The following ASCC1 variants were observed in gnomAD, a reference collection of about 807,000 sequenced individuals.
ASCC1 encodes the protein ASC-1 complex subunit P50.
Under a neutral mutation model 46.6 loss-of-function variants are expected in ASCC1, and 35 were observed. The observed-to-expected ratio is 0.75, with a 90% confidence interval of 0.57 to 0.99. The LOEUF is 0.99. ASCC1 is among the 50% of genes least tolerant of loss of function. The pLI, the probability that ASCC1 is intolerant of heterozygous loss-of-function variation, is 0.00. For missense variants in ASCC1, 376 were observed against 428.7 expected (o/e 0.88, Z 1.09); for synonymous variants, 143 against 146.6 (o/e 0.98, Z 0.18).
At chr10:72,104,991 T>G (rs140751614) in intron 9 of ASCC1, among the ~76,000 whole-genome samples, 6 of 152,200 alleles carry the variant, frequency 3.9e-5, no homozygotes, top group Middle Eastern at 3.4e-3. Flanking sequence ...GGGGTAAGAT[T>G]ACTTGCCCAT....
intron 9 of ASCC1, among the ~76,000 whole-genome samples, chr10:72,115,672 A>T (rs182981127): frequency 6.6e-6 from 1 of 152,328 alleles, no homozygotes; most frequent in East Asian, 1.9e-4. Flanking sequence ...CAAGGCACTG[A>T]ACAAACAGGG....
intron 6 of ASCC1, among the ~76,000 whole-genome samples, chr10:72,159,810 A>G (rs1849408697): frequency 6.6e-6 from 1 of 152,190 alleles, no homozygotes; most frequent in Admixed American, 6.5e-5. Flanking sequence ...AAACCCTATC[A>G]GCTTATGATC....
intron 6 of ASCC1, among the ~76,000 whole-genome samples, chr10:72,158,459 T>G (rs1057471684): frequency 6.6e-6 from 1 of 152,148 alleles, no homozygotes; most frequent in African/African-American, 2.4e-5. Flanking sequence ...GTGTCCTACA[T>G]CTCACAAAGG....
intron 5 of ASCC1, among the ~76,000 whole-genome samples, chr10:72,179,762 T>C (rs985389206): frequency 9.9e-5 from 15 of 152,092 alleles, no homozygotes; most frequent in Non-Finnish European, 1.6e-4. Context: ...TCAATACATA[T>C]TTGCTATTTT....
chr10:72,160,819 C>G (rs1044424116), intron 6 of ASCC1, among the ~76,000 whole-genome samples: 1 of 149,354 alleles, frequency 6.7e-6, no homozygotes, highest in Non-Finnish European at 1.5e-5. Context: ...CTTGGTTGCT[C>G]ACGCCTGTAA....
chr10:72,163,672 T>G (rs1263700667), intron 5 of ASCC1, among the ~76,000 whole-genome samples: 2 of 151,400 alleles, frequency 1.3e-5, no homozygotes, highest in African/African-American at 4.9e-5. Flanking sequence ...GAGGAAAAGG[T>G]TGCAGTGAGC....
At chr10:72,153,550 C>A (rs1230569452) in intron 6 of ASCC1, among the ~76,000 whole-genome samples, 1 of 151,714 alleles carries the variant, frequency 6.6e-6, no homozygotes, top group African/African-American at 2.4e-5. Flanking sequence ...CTCAGCCTAC[C>A]GAGTAGCTGG....
At chr10:72,132,543 T>G (rs1258240263) in intron 8 of ASCC1, among the ~76,000 whole-genome samples, 1 of 152,166 alleles carries the variant, frequency 6.6e-6, no homozygotes, top group Non-Finnish European at 1.5e-5. Flanking sequence ...GACCGTCCCA[T>G]GCATTGTAGA....
In ASCC1 at chr10:72,133,076, T is replaced by A. The variant is rs376799409; in HGVS notation, c.852A>T (p.Leu284=). ...VKLHATVMNT[L]FRKDPNAEGR... is the part of the protein sequence containing the mutation. ...ACTTACCATTGGGGTCTTTCCTGAA[T>A]AGTGTATTCATAACTGTAGCATGCA... The change falls in exon 8 of 10, where the codon CTA becomes CTT. Residue 284 remains leucine, a synonymous_variant. Coordinates refer to ENST00000672957, the MANE Select transcript of ASCC1 (RefSeq NM_001198800.3). 6 of 1,614,074 alleles carry A rather than the reference T, an allele frequency of 3.7e-6. No homozygotes were observed. In the African/African-American group the frequency reaches 8.0e-5, roughly 22 times the overall value.
At chr10:72,210,978 G>T in intron 2 of ASCC1, 147 bp from the exon 3 acceptor site, 2 of 720,762 alleles carry the variant, frequency 2.8e-6, no homozygotes, top group Non-Finnish European at 4.9e-6. Flanking sequence ...CCATGACACT[G>T]CTCTGATACT....
chr10:72,108,076 C>CTTTTTTTTTTTTTTTTTTTTTT (rs375287948), intron 9 of ASCC1, among the ~76,000 whole-genome samples: 1 of 128,354 alleles, frequency 7.8e-6, no homozygotes, highest in Non-Finnish European at 1.7e-5. Context: ...TTTTCTTTTT[C>CTTTTTTTTTTTTTTTTTTTTTT]TTTTTTTTTT....
At chr10:72,155,163 T>C (rs1848809829) in intron 6 of ASCC1, among the ~76,000 whole-genome samples, 1 of 152,222 alleles carries the variant, frequency 6.6e-6, no homozygotes, top group African/African-American at 2.4e-5. Flanking sequence ...GTACACTGGT[T>C]GCCTCTAGAG....
intron 9 of ASCC1, among the ~76,000 whole-genome samples, chr10:72,111,363 G>T (rs1317779322): frequency 6.6e-6 from 1 of 152,104 alleles, no homozygotes; most frequent in East Asian, 1.9e-4. Context: ...GCACACGCCT[G>T]TAGTCCCATC....
At chr10:72,176,533 C>CA (rs1851876335) in intron 5 of ASCC1, among the ~76,000 whole-genome samples, 1 of 151,774 alleles carries the variant, frequency 6.6e-6, no homozygotes, top group African/African-American at 2.4e-5. Context: ...TTTGTGGACA[C>CA]AGAGTTTCAC....
chr10:72,175,635 A>G (rs1851771673), intron 5 of ASCC1, among the ~76,000 whole-genome samples: 1 of 152,238 alleles, frequency 6.6e-6, no homozygotes, highest in Non-Finnish European at 1.5e-5. Flanking sequence ...GGGCTTTTAT[A>G]CTGACCAGAG....
At position 72,141,174 on chromosome 10, in the gene ASCC1, A is replaced by C. The variant is rs80339347; in HGVS notation, c.747-7993T>G. Among the ~76,000 whole-genome samples, 1,347 of 152,266 alleles carry C rather than the reference A, an allele frequency of 8.8e-3. 27 individuals are homozygous for C. The highest frequency in any genetic ancestry group is 0.031 in the African/African-American group (1,281 of 41,556). ...AAGAAAAAAATTACTTGTTATCCAC[A>C]AATAACGACTGGTAAATTGTTTATG... On this transcript the variant is annotated intron_variant, in intron 7 of 9. Coordinates refer to ENST00000672957, the MANE Select transcript of ASCC1 (RefSeq NM_001198800.3).
intron 5 of ASCC1, among the ~76,000 whole-genome samples, chr10:72,170,044 C>G (rs573816692): frequency 6.6e-6 from 1 of 151,978 alleles, no homozygotes; most frequent in African/African-American, 2.4e-5. Context: ...TGCTTGAACC[C>G]AGGAGGAAGA....
intron 9 of ASCC1, among the ~76,000 whole-genome samples, chr10:72,104,874 C>A (rs1000259905): frequency 5.3e-5 from 8 of 152,050 alleles, no homozygotes. Context: ...AAATTTAAAA[C>A]CACACCGGGC....
chr10:72,208,491 G>A (rs746127381), intron 3 of ASCC1, among the ~76,000 whole-genome samples: 1 of 152,128 alleles, frequency 6.6e-6, no homozygotes. Context: ...CGGGTGCGGT[G>A]GCTCACGCCT....
Sources: allele counts gnomAD v4.1 joint callset (sites outside exome capture counted in the v4.1 genomes callset), GRCh38; gene constraint gnomAD v4.1.1; transcripts MANE v1.5; gene names NCBI Gene and HGNC (gene_info 2026-07-23, HGNC 2026-07-21).